Variants in HECW1 observed in about 807,000 individuals in gnomAD.
HECW1 encodes the protein E3 ubiquitin-protein ligase HECW1.
In HECW1, 61 loss-of-function variants were observed where a neutral mutation model predicts 182.3. That is an observed-to-expected ratio of 0.33 (90% CI 0.27 to 0.41). The LOEUF (loss-of-function observed/expected upper bound fraction) is 0.41. Ranked by LOEUF, HECW1 falls within the 10% of genes least tolerant of loss-of-function variation. The pLI is 1.00. For missense variants in HECW1, 1,739 were observed against 2,108.9 expected, an observed-to-expected ratio of 0.82 and a Z score of 3.44; for synonymous variants, 859 against 832.6, an observed-to-expected ratio of 1.03 and a Z score of -0.55.
intron 3 of HECW1, among the ~76,000 whole-genome samples, chr7:43,259,958 A>G (rs1029451003): frequency 6.6e-6 from 1 of 152,236 alleles, no homozygotes; most frequent in Non-Finnish European, 1.5e-5. Flanking sequence ...TATAGATTCA[A>G]GAATCTCAGT....
intron 3 of HECW1, among the ~76,000 whole-genome samples, chr7:43,281,095 C>T (rs1327766718): frequency 3.9e-5 from 6 of 152,062 alleles, no homozygotes; most frequent in Admixed American, 2.0e-4. Context: ...ATTTCTGACC[C>T]GCTGCTTCTC....
chr7:43,525,654 C>G (rs999064804), intron 24 of HECW1, among the ~76,000 whole-genome samples: 4 of 152,154 alleles, frequency 2.6e-5, no homozygotes, highest in African/African-American at 9.7e-5. Context: ...AGAACAGAAC[C>G]AAGGTAGCTC....
intron 7 of HECW1, among the ~76,000 whole-genome samples, chr7:43,402,652 G>T (rs561992109): frequency 6.6e-6 from 1 of 152,114 alleles, no homozygotes; most frequent in Non-Finnish European, 1.5e-5. Flanking sequence ...GAGAATTGGG[G>T]ACATTGCAAT....
intron 2 of HECW1, among the ~76,000 whole-genome samples, chr7:43,135,979 C>CTTTTT (rs34511113): frequency 7.0e-6 from 1 of 143,570 alleles, no homozygotes; most frequent in African/African-American, 2.5e-5. Context: ...ACCATTTACA[C>CTTTTT]TTTTTTTTTT....
chr7:43,490,427 T>C (rs2078885031), intron 17 of HECW1, among the ~76,000 whole-genome samples: 1 of 152,198 alleles, frequency 6.6e-6, no homozygotes. Context: ...TTGTCTAAAG[T>C]CTTTAACACT....
At chr7:43,153,635 G>A (rs776841355) in intron 2 of HECW1, among the ~76,000 whole-genome samples, 2 of 152,172 alleles carry the variant, frequency 1.3e-5, no homozygotes, top group Non-Finnish European at 2.9e-5. Flanking sequence ...GAAGGACAGA[G>A]GTTTCCAGCC....
chr7:43,433,870 G>A (rs2076626625), intron 8 of HECW1, among the ~76,000 whole-genome samples: 1 of 152,148 alleles, frequency 6.6e-6, no homozygotes, highest in African/African-American at 2.4e-5. Flanking sequence ...GAAAAGCTCA[G>A]ATCAAAAGGT....
At chr7:43,239,005 G>A (rs1363644786) in intron 2 of HECW1, 1 of 152,174 alleles carries the variant, frequency 6.6e-6, no homozygotes, top group African/African-American at 2.4e-5. Flanking sequence ...ATCAAAACAA[G>A]GGACTGAAAG....
At chr7:43,257,605 G>C (rs1800714532) in intron 3 of HECW1, among the ~76,000 whole-genome samples, 1 of 152,110 alleles carries the variant, frequency 6.6e-6, no homozygotes, top group Non-Finnish European at 1.5e-5. Flanking sequence ...AAGCAGACTT[G>C]ATGGGGGATT....
At chr7:43,282,384 C>T (rs1562779790) in intron 3 of HECW1, among the ~76,000 whole-genome samples, 1 of 152,340 alleles carries the variant, frequency 6.6e-6, no homozygotes, top group East Asian at 1.9e-4. Context: ...ATCCGGATGA[C>T]AGGAGCTGGC....
chr7:43,564,391 GATTA>G lies in HECW1; in HGVS notation c.*2472_*2475del, dbSNP rs1303732806. On this transcript the variant is annotated 3_prime_UTR_variant, in exon 30 of 30. Coordinates refer to ENST00000395891, the MANE Select transcript of HECW1 (RefSeq NM_015052.5). ...AAATTACTAATTAATCTATTAATTA[GATTA>G]ATTAATATCTAATCTACCCATATAC... 2.7e-5 allele frequency: 5 copies of G among 181,918 alleles called. No homozygotes were observed. The highest frequency in any genetic ancestry group is 2.0e-3 in the Middle Eastern group (1 of 496). 11.3% of individuals were successfully genotyped at this position (181,918 alleles called of 1,614,324 possible).
chr7:43,560,827 G>T (rs2082185555), intron 29 of HECW1, among the ~76,000 whole-genome samples: 2 of 152,148 alleles, frequency 1.3e-5, no homozygotes, highest in Admixed American at 1.3e-4. Context: ...GATTTTATTT[G>T]ATTTGGTTTG....
intron 2 of HECW1, among the ~76,000 whole-genome samples, chr7:43,198,524 C>A (rs2152687926): frequency 6.6e-6 from 1 of 150,888 alleles, no homozygotes; most frequent in African/African-American, 2.4e-5. Context: ...ACACCACAGA[C>A]ACCACACTCA....
chr7:43,256,407 C>A (rs529521503), intron 3 of HECW1, among the ~76,000 whole-genome samples: 29 of 152,122 alleles, frequency 1.9e-4, no homozygotes, highest in Admixed American at 1.5e-3. Flanking sequence ...GTCAGGAGTT[C>A]AAGACCAGCC....
chr7:43,169,774 C>T (rs1178789895), intron 2 of HECW1, among the ~76,000 whole-genome samples: 2 of 146,170 alleles, frequency 1.4e-5, no homozygotes, highest in South Asian at 2.1e-4. Flanking sequence ...CTGCAAGCTT[C>T]GCCTCCCGGG....
intron 3 of HECW1, among the ~76,000 whole-genome samples, chr7:43,287,082 G>C (rs1301197745): frequency 6.6e-6 from 1 of 152,166 alleles, no homozygotes; most frequent in Non-Finnish European, 1.5e-5. Flanking sequence ...ACGTAACAAA[G>C]TCCTCATGGA....
At chr7:43,382,481 A>G (rs1328862578) in intron 6 of HECW1, among the ~76,000 whole-genome samples, 2 of 152,240 alleles carry the variant, frequency 1.3e-5, no homozygotes, top group Admixed American at 1.3e-4. Flanking sequence ...CTCTCTGGTT[A>G]CAAAATACAT....
intron 17 of HECW1, among the ~76,000 whole-genome samples, chr7:43,485,668 A>G (rs140705764): frequency 1.9e-3 from 286 of 152,284 alleles, no homozygotes; most frequent in African/African-American, 5.9e-3. Context: ...ATATCTAAAC[A>G]TAGAAAAGGT....
At chr7:43,312,506 C>T (rs574508044) in intron 4 of HECW1, among the ~76,000 whole-genome samples, 2 of 152,372 alleles carry the variant, frequency 1.3e-5, no homozygotes, top group South Asian at 2.1e-4. Flanking sequence ...GCTCTTCCAA[C>T]ATTCTTACTG....
Sources: allele counts gnomAD v4.1 joint callset (sites outside exome capture counted in the v4.1 genomes callset), GRCh38; gene constraint gnomAD v4.1.1; transcripts MANE v1.5; gene names NCBI Gene and HGNC (gene_info 2026-07-23, HGNC 2026-07-21).